The following DIP2C variants were observed in gnomAD, a reference collection of about 807,000 sequenced individuals.
The protein encoded by DIP2C is disco-interacting protein 2 homolog C.
A neutral mutation model predicts 192.4 loss-of-function variants in DIP2C; 33 were observed. That is an observed-to-expected ratio of 0.17 (90% confidence interval 0.13 to 0.23). DIP2C has a LOEUF of 0.23. DIP2C is among the 10% of genes least tolerant of loss of function. The pLI is 1.00. For missense variants in DIP2C, 1,537 were observed against 2,110.1 expected, an observed-to-expected ratio of 0.73 and a Z score of 5.32; for synonymous variants, 979 against 864.1, an observed-to-expected ratio of 1.13 and a Z score of -2.33.
chr10:338,501 G>A (rs767284301), intron 29 of DIP2C, among the ~76,000 whole-genome samples: 146 of 150,270 alleles, frequency 9.7e-4, no homozygotes, highest in Non-Finnish European at 9.3e-4. Flanking sequence ...CTCGACACAC[G>A]ACCACTTACC....
At chr10:468,686 C>T (rs945801816) in intron 3 of DIP2C, among the ~76,000 whole-genome samples, 1 of 152,094 alleles carries the variant, frequency 6.6e-6, no homozygotes, top group African/African-American at 2.4e-5. Flanking sequence ...CTTGAACCCA[C>T]GAGGCAGAGT....
intron 17 of DIP2C, among the ~76,000 whole-genome samples, chr10:374,457 G>A (rs1961333005): frequency 6.6e-6 from 1 of 152,180 alleles, no homozygotes; most frequent in Admixed American, 6.5e-5. Flanking sequence ...CTGTGGAGAT[G>A]GGTGCAGCAC....
At chr10:600,188 C>T (rs1408756798) in intron 1 of DIP2C, among the ~76,000 whole-genome samples, 9 of 152,170 alleles carry the variant, frequency 5.9e-5, no homozygotes, top group African/African-American at 1.9e-4. Flanking sequence ...CATTTGGTTA[C>T]GACCGGCAGA....
chr10:400,391 T>TA (rs1325717250), intron 9 of DIP2C, among the ~76,000 whole-genome samples: 1 of 152,218 alleles, frequency 6.6e-6, no homozygotes, highest in Non-Finnish European at 1.5e-5. Flanking sequence ...CCTTCGATGA[T>TA]AGAGTGTTAA....
intron 36 of DIP2C, among the ~76,000 whole-genome samples, chr10:279,412 G>A (rs899028438): frequency 3.3e-5 from 5 of 152,224 alleles, no homozygotes; most frequent in African/African-American, 1.2e-4. Flanking sequence ...GAGGAACAGA[G>A]CTGGCCGAGG....
rs1282543552 is a variant in DIP2C at position 542,854 on chromosome 10, A to AG, written c.86-56325dup. ...GACCCTCCCCCCTTCTCTATACCAC[A>AG]GATCATCAGATCCCAGTTCTTACGG... On this transcript the variant is annotated intron_variant, in intron 1 of 36. Transcript: ENST00000280886. Among the ~76,000 whole-genome samples, 6 of 152,148 alleles carry AG rather than the reference A, an allele frequency of 3.9e-5. No homozygotes were observed. The East Asian group carries it at 1.2e-3, about 29-fold the overall frequency.
At chr10:605,754 C>G (rs1346659845) in intron 1 of DIP2C, among the ~76,000 whole-genome samples, 3 of 152,168 alleles carry the variant, frequency 2.0e-5, no homozygotes, top group Non-Finnish European at 4.4e-5. Context: ...CATAATTATG[C>G]AATAAAAATG....
At chr10:318,407 G>C (rs559484203) in intron 31 of DIP2C, among the ~76,000 whole-genome samples, 3 of 152,204 alleles carry the variant, frequency 2.0e-5, no homozygotes, top group Non-Finnish European at 2.9e-5. Flanking sequence ...GTCCAGACAC[G>C]ATCCAGGTTT....
chr10:357,977 A>G, intron 22 of DIP2C, 40 bp from the exon 23 acceptor site: 13 of 1,533,808 alleles, frequency 8.5e-6, no homozygotes, highest in Non-Finnish European at 9.9e-6. Context: ...GAAACAAAAG[A>G]GAAATTCCTT....
At chr10:645,289 A>G (rs1451606315) in intron 1 of DIP2C, among the ~76,000 whole-genome samples, 1 of 152,142 alleles carries the variant, frequency 6.6e-6, no homozygotes, top group Non-Finnish European at 1.5e-5. Context: ...TGAAAAGTCT[A>G]TCAGAGTACA....
At chr10:509,498 A>T (rs959250221) in intron 1 of DIP2C, among the ~76,000 whole-genome samples, 5 of 152,134 alleles carry the variant, frequency 3.3e-5, no homozygotes, top group African/African-American at 1.2e-4. Flanking sequence ...CAGACTACGG[A>T]GCAGAGCCGG....
At chr10:594,348 C>T (rs371859663) in intron 1 of DIP2C, among the ~76,000 whole-genome samples, 18 of 152,258 alleles carry the variant, frequency 1.2e-4, no homozygotes, top group East Asian at 3.9e-4. Context: ...TGACCTGGCA[C>T]GGCCGAGTAC....
intron 9 of DIP2C, among the ~76,000 whole-genome samples, chr10:407,436 T>G (rs1321464880): frequency 6.6e-6 from 1 of 152,214 alleles, no homozygotes; most frequent in African/African-American, 2.4e-5. Context: ...TCAATCCTTT[T>G]GGGTACACAC....
chr10:530,892 A>G (rs1847326176), intron 1 of DIP2C, among the ~76,000 whole-genome samples: 1 of 152,144 alleles, frequency 6.6e-6, no homozygotes, highest in Non-Finnish European at 1.5e-5. Context: ...CTCCACAGTC[A>G]GACAGCAGCC....
At chr10:611,588 C>T (rs1853103193) in intron 1 of DIP2C, among the ~76,000 whole-genome samples, 1 of 152,242 alleles carries the variant, frequency 6.6e-6, no homozygotes, top group Non-Finnish European at 1.5e-5. Context: ...CCACCAGGGC[C>T]TCTTTAGCAG....
chr10:452,848 A>G (rs887035298), intron 3 of DIP2C, among the ~76,000 whole-genome samples: 1 of 152,184 alleles, frequency 6.6e-6, no homozygotes, highest in Non-Finnish European at 1.5e-5. Flanking sequence ...AGAGGGATAG[A>G]CTTGACCACA....
chr10:331,409 C>A (rs1160909915), intron 29 of DIP2C, among the ~76,000 whole-genome samples: 1 of 152,142 alleles, frequency 6.6e-6, no homozygotes, highest in East Asian at 1.9e-4. Context: ...TTGATTTATT[C>A]TTTTCAAAAG....
intron 1 of DIP2C, among the ~76,000 whole-genome samples, chr10:536,687 A>G (rs1847716757): frequency 6.6e-6 from 1 of 152,222 alleles, no homozygotes; most frequent in Non-Finnish European, 1.5e-5. Flanking sequence ...AGGGGGGGCC[A>G]TCCTGAGAGG....
chr10:424,355 G>GTTTT (rs557255878), intron 4 of DIP2C, among the ~76,000 whole-genome samples: 8 of 83,106 alleles, frequency 9.6e-5, no homozygotes, highest in Non-Finnish European at 1.6e-4. Flanking sequence ...ATCACCTTGG[G>GTTTT]TTTTTTTTTT....
Sources: allele counts gnomAD v4.1 joint callset (sites outside exome capture counted in the v4.1 genomes callset), GRCh38; gene constraint gnomAD v4.1.1; transcripts MANE v1.5; gene names NCBI Gene and HGNC (gene_info 2026-07-23, HGNC 2026-07-21).